DLC1: variants seen among roughly 807,000 people sequenced by gnomAD.
DLC1 encodes rho GTPase-activating protein 7.
DLC1 carries 54 observed loss-of-function variants against 140.3 expected under a neutral mutation model. The ratio of observed to expected loss-of-function variants is 0.38; its 90% CI spans 0.31 to 0.48. The LOEUF (loss-of-function observed/expected upper bound fraction) is 0.48. Among genes scored for constraint, DLC1 ranks in the 20% least tolerant of loss-of-function variants. The probability of loss-of-function intolerance (pLI) is 0.96; values close to 1 mark genes in which losing one functional copy is unlikely to be tolerated. For missense variants in DLC1, 2,536 were observed against 1,907.0 expected (o/e 1.33, Z -6.14); for synonymous variants, 986 against 728.1 (o/e 1.35, Z -5.70).
At chr8:13,150,169 A>G (rs1823704852) in intron 5 of DLC1, among the ~76,000 whole-genome samples, 1 of 152,212 alleles carries the variant, frequency 6.6e-6, no homozygotes, top group South Asian at 2.1e-4. Flanking sequence ...GAGAAGAAAG[A>G]CAGCACTATG....
rs1022539123 is a variant in DLC1, at chr8:13,481,374, C to T, written c.1023+17675G>A. On this transcript the variant is annotated intron_variant, in intron 2 of 17. Transcript: ENST00000276297. ...TCTGGGAAGTTGAGGCTGCAGTGAG[C>T]CATGATTGTGCCAGTCACTGCAGCT... 2.0e-5 allele frequency among the ~76,000 whole-genome samples: 3 copies of T among 152,112 alleles called. No individual in the cohort carries two copies. In the East Asian group the frequency reaches 5.8e-4, roughly 29 times the overall value.
At chr8:13,543,429 G>C (rs1803551392) in intron 1 of DLC1, among the ~76,000 whole-genome samples, 1 of 151,916 alleles carries the variant, frequency 6.6e-6, no homozygotes. Context: ...TTTTCCTTTG[G>C]GTAAATATCC....
At chr8:13,441,435 A>C (rs966432272) in intron 2 of DLC1, among the ~76,000 whole-genome samples, 4 of 152,190 alleles carry the variant, frequency 2.6e-5, no homozygotes, top group African/African-American at 7.2e-5. Context: ...GTTTGCAGAC[A>C]ACATGATTGT....
At chr8:13,562,620 G>A (rs1804281974) in intron 1 of DLC1, among the ~76,000 whole-genome samples, 1 of 152,308 alleles carries the variant, frequency 6.6e-6, no homozygotes, top group Non-Finnish European at 1.5e-5. Flanking sequence ...ATTGCTGGCA[G>A]AAATGTCATA....
At chr8:13,118,143 G>T (rs1030191889) in intron 5 of DLC1, among the ~76,000 whole-genome samples, 13 of 151,712 alleles carry the variant, frequency 8.6e-5, no homozygotes, top group African/African-American at 3.1e-4. Flanking sequence ...CCAAGTAGCT[G>T]AGATAGAGGC....
intron 6 of DLC1, among the ~76,000 whole-genome samples, chr8:13,113,072 A>T (rs572821570): frequency 9.2e-5 from 14 of 152,318 alleles, no homozygotes; most frequent in East Asian, 3.9e-4. Flanking sequence ...AACAATTTTT[A>T]AAAAATCTGG....
intron 5 of DLC1, among the ~76,000 whole-genome samples, chr8:13,219,144 A>G (rs1828401106): frequency 8.8e-6 from 1 of 113,192 alleles, no homozygotes; most frequent in African/African-American, 3.7e-5. Flanking sequence ...ATGTGAATAT[A>G]ATTATATAAT....
Position 13,110,783 on chromosome 8 carries a change from C to G in DLC1, c.1461G>C (p.Glu487Asp). ...FPIDISLVKR[E>D]HDFLDRDAIE... Reference sequence around the variant, plus strand: ...TGGCATCTCTGTCCAAAAAATCATGCTCTCTCTTGACCAAGGAAATATCGA... The same window carrying G: ...TGGCATCTCTGTCCAAAAAATCATGGTCTCTCTTGACCAAGGAAATATCGA... Residue 487 changes from glutamate to aspartate, a missense_variant, in exon 7 of 18, where the codon GAG becomes GAC. By Grantham distance (45) the Glu-to-Asp change is conservative (BLOSUM62 2). Coordinates refer to ENST00000276297, the MANE Select transcript of DLC1 (RefSeq NM_182643.3). 6.2e-7 allele frequency: 1 copy of G among 1,614,082 alleles called. No homozygotes were observed. The highest frequency in any genetic ancestry group is 8.5e-7 in the Non-Finnish European group (1 of 1,180,028).
At chr8:13,482,342 CAG>C (rs34281588) in intron 2 of DLC1, among the ~76,000 whole-genome samples, 2,123 of 151,382 alleles carry the variant, frequency 0.014, 31 homozygotes, top group Non-Finnish European at 0.025. Context: ...TGGGACAAGT[CAG>C]AGAGAGAGAG....
intron 5 of DLC1, among the ~76,000 whole-genome samples, chr8:13,153,970 A>G (rs895422308): frequency 6.6e-6 from 1 of 152,284 alleles, no homozygotes. Flanking sequence ...AGCTAGACAC[A>G]GGGTGGTGAT....
chr8:13,213,895 T>C lies in DLC1; in HGVS notation c.1348+91374A>G, dbSNP rs1394178230. Reference sequence around the variant, plus strand: ...GCCTTCCGAGTTAAAGCGATTCTCATGCCTCAGCCTCCTGAATAGCTGGGA... The same window carrying C: ...GCCTTCCGAGTTAAAGCGATTCTCACGCCTCAGCCTCCTGAATAGCTGGGA... On this transcript the variant is annotated intron_variant, in intron 5 of 17. Transcript: ENST00000276297. Among the ~76,000 whole-genome samples the C allele has an allele frequency of 3.3e-5, 5 of 151,844 alleles. No individual in the cohort carries two copies. In the South Asian group the frequency reaches 1.1e-3, roughly 32 times the overall value.
intron 5 of DLC1, among the ~76,000 whole-genome samples, chr8:13,274,365 T>C (rs1487413304): frequency 2.0e-5 from 3 of 152,214 alleles, no homozygotes; most frequent in Admixed American, 6.5e-5. Context: ...TCAAGCATGG[T>C]ATCTGGATTC....
intron 5 of DLC1, among the ~76,000 whole-genome samples, chr8:13,297,992 G>C (rs903145226): frequency 6.6e-6 from 1 of 152,058 alleles, no homozygotes; most frequent in Admixed American, 6.6e-5. Context: ...TGTTTACAAG[G>C]AGCTTGGAAT....
chr8:13,240,515 T>G (rs1006715678), intron 5 of DLC1, among the ~76,000 whole-genome samples: 1 of 152,098 alleles, frequency 6.6e-6, no homozygotes, highest in African/African-American at 2.4e-5. Flanking sequence ...AGCCTCCATC[T>G]CCCTGGCTCA....
intron 5 of DLC1, among the ~76,000 whole-genome samples, chr8:13,191,752 A>C (rs986320735): frequency 1.3e-5 from 2 of 152,100 alleles, no homozygotes; most frequent in African/African-American, 4.8e-5. Flanking sequence ...CCTGGTGTCC[A>C]GGCTGTGTGT....
intron 1 of DLC1, among the ~76,000 whole-genome samples, chr8:13,520,824 C>T (rs1038313841): frequency 1.3e-5 from 2 of 152,042 alleles, no homozygotes; most frequent in Non-Finnish European, 2.9e-5. Context: ...GGCTCTTCCT[C>T]TGTCAAAGCT....
chr8:13,266,072 A>C (rs1012420189), intron 5 of DLC1, among the ~76,000 whole-genome samples: 11 of 152,240 alleles, frequency 7.2e-5, no homozygotes, highest in African/African-American at 2.7e-4. Context: ...TAATCACTGA[A>C]GGACTAAAGG....
At chr8:13,342,972 A>T (rs190501677) in intron 4 of DLC1, among the ~76,000 whole-genome samples, 31 of 152,142 alleles carry the variant, frequency 2.0e-4, no homozygotes, top group Admixed American at 6.6e-5. Flanking sequence ...CTTTTGTGTG[A>T]CTTGGTGAAC....
chr8:13,365,789 C>T (rs1195828497), intron 4 of DLC1, among the ~76,000 whole-genome samples: 1 of 152,040 alleles, frequency 6.6e-6, no homozygotes, highest in Non-Finnish European at 1.5e-5. Flanking sequence ...TAAAAAAAAT[C>T]ACTCAACTGC....
Sources: allele counts gnomAD v4.1 joint callset (sites outside exome capture counted in the v4.1 genomes callset), GRCh38; gene constraint gnomAD v4.1.1; transcripts MANE v1.5; gene names NCBI Gene and HGNC (gene_info 2026-07-23, HGNC 2026-07-21).